The following SEMA7A variants were observed in gnomAD, a reference collection of about 807,000 sequenced individuals.
SEMA7A encodes the protein semaphorin-7A.
In SEMA7A, 21 loss-of-function variants were observed where a neutral mutation model predicts 67.5. The ratio of observed to expected loss-of-function variants is 0.31; its 90% CI spans 0.22 to 0.45. SEMA7A has a LOEUF of 0.45. Among genes scored for constraint, SEMA7A ranks in the 20% least tolerant of loss-of-function variants. SEMA7A has a pLI of 1.00. For missense variants in SEMA7A, 774 were observed against 908.6 expected (o/e 0.85, Z 1.90); for synonymous variants, 364 against 368.5 (o/e 0.99, Z 0.14).
At chr15:74,426,246 G>A (rs2061042824) in intron 1 of SEMA7A, among the ~76,000 whole-genome samples, 1 of 152,170 alleles carries the variant, frequency 6.6e-6, no homozygotes, top group African/African-American at 2.4e-5. Context: ...CTGCACTCCA[G>A]CCTGGGTGAC....
chr15:74,410,625 T>C lies in SEMA7A; in HGVS notation c.2000A>G (p.Ter667TrpextTer40). Reference protein sequence around the residue: ...PTLTLGLLVH* With the variant: ...PTLTLGLLVHW ...AGGCATGCCCAGCCTCGGGAGGCCC[T>C]AGTGGACCAGCAAGCCAAGAGTGAG... Residue 667 changes from the stop codon to tryptophan (W), a stop_lost, in exon 14 of 14, where the codon TAG becomes TGG. Coordinates refer to ENST00000261918, the MANE Select transcript of SEMA7A (RefSeq NM_003612.5). The surrounding 1 kb of genome is among the most constrained non-coding windows in gnomAD (Gnocchi z 7.5). 1 of 1,582,786 alleles carries C rather than the reference T, an allele frequency of 6.3e-7. No homozygotes were observed. Among genetic ancestry groups the C allele is most frequent in the Non-Finnish European group, 8.6e-7 (1 of 1,160,964 alleles).
In SEMA7A at chr15:74,414,458, G is replaced by C; in HGVS notation, c.1294+89C>G. On this transcript the variant is annotated intron_variant, in intron 10 of 13. Transcript: ENST00000261918. The surrounding 1 kb of genome is among the most constrained non-coding windows in gnomAD (Gnocchi z 4.1). The stretch of plus-strand genomic sequence containing the variant: ...CTCAATTATTCCTTCCACATGTAAA[G>C]ATCCAACCAGATGTTAACTACATTA... 1 of 1,281,592 alleles carries C rather than the reference G, an allele frequency of 7.8e-7. No homozygotes were observed. Among genetic ancestry groups the C allele is most frequent in the Non-Finnish European group, 1.1e-6 (1 of 894,480 alleles). 79.4% of individuals were successfully genotyped at this position (1,281,592 alleles called of 1,614,324 possible).
chr15:74,427,504 T>C (rs989311636), intron 1 of SEMA7A, among the ~76,000 whole-genome samples: 1 of 152,182 alleles, frequency 6.6e-6, no homozygotes, highest in African/African-American at 2.4e-5. Flanking sequence ...AATTTTTTTG[T>C]ATTTTTAGTA....
At chr15:74,427,207 C>A (rs1305789515) in intron 1 of SEMA7A, 1 of 985,298 alleles carries the variant, frequency 1.0e-6, no homozygotes, top group Admixed American at 6.1e-5. Context: ...ATCATGCTGT[C>A]TGATGGGATT....
At chr15:74,433,253 G>A (rs2061106591) in intron 1 of SEMA7A, among the ~76,000 whole-genome samples, 1 of 151,596 alleles carries the variant, frequency 6.6e-6, no homozygotes, top group South Asian at 2.1e-4. Context: ...CTTTGTTCCC[G>A]CTGCCGAAGC....
In SEMA7A at chr15:74,416,725, C is replaced by T. The variant is rs745904497; in HGVS notation, c.662-11G>A. ...TGATGAACTGTGGGTCTGCCAGGGA[C>T]AGAGGCGAGTGGGCGTAAGGCTGGG... On this transcript the variant is annotated splice_polypyrimidine_tract_variant and intron_variant, in intron 6 of 13. Transcript: ENST00000261918. 1.9e-6 allele frequency: 3 copies of T among 1,613,300 alleles called. No individual in the cohort carries two copies. The highest frequency in any genetic ancestry group is 2.2e-5 in the South Asian group (2 of 91,026).
At chr15:74,433,049 G>T (rs2061103702) in intron 1 of SEMA7A, among the ~76,000 whole-genome samples, 1 of 152,148 alleles carries the variant, frequency 6.6e-6, no homozygotes, top group Non-Finnish European at 1.5e-5. Flanking sequence ...GCCCCCCAAC[G>T]CTGGAGCCGA....
chr15:74,412,148 G>T, intron 10 of SEMA7A, 136 bp from the exon 11 acceptor site: 1 of 1,036,912 alleles, frequency 9.6e-7, no homozygotes, highest in Non-Finnish European at 1.4e-6. Context: ...GGCGAGGAGA[G>T]CGTGACTGGG....
At position 74,414,568 on chromosome 15, in the gene SEMA7A, G is replaced by C. The variant is rs1414696963; in HGVS notation, c.1273C>G (p.His425Asp). The C allele has an allele frequency of 6.2e-7, 1 of 1,614,242 alleles. No homozygotes were observed. The highest frequency in any genetic ancestry group is 2.2e-5 in the East Asian group (1 of 44,890). The change falls in exon 10 of 14, where the codon CAT becomes GAT. Residue 425 changes from histidine (H) to aspartate (D), a missense_variant. Coordinates refer to ENST00000261918, the MANE Select transcript of SEMA7A (RefSeq NM_003612.5). This position sits in a 1 kb window ranked among gnomAD's most constrained non-coding sequence, Gnocchi z 4.1. ...TCACCTGTAGTTAGGTAAAGCACAT[G>C]AAAGGTCTCCCCGTGGCTGGCTTGC... is the stretch of plus-strand genomic sequence containing the variant. ...RMQASHGETF[H>D]VLYLTTDRGT...
chr15:74,432,272 G>A (rs1465109416), intron 1 of SEMA7A, among the ~76,000 whole-genome samples: 4 of 152,166 alleles, frequency 2.6e-5, no homozygotes, highest in Non-Finnish European at 4.4e-5. Flanking sequence ...AAAGCTGCTG[G>A]GAGGGCAAAG....
In SEMA7A at chr15:74,417,379, A is replaced by T; in HGVS notation, c.617T>A (p.Ile206Asn). The T allele has an allele frequency of 6.2e-7, 1 of 1,614,032 alleles. No individual in the cohort carries two copies. Among genetic ancestry groups the T allele is most frequent in the Non-Finnish European group, 8.5e-7 (1 of 1,180,006 alleles). The part of the protein sequence containing the change: ...YNGKIPRFRR[I>N]RGESELYTSD... ...GGTGTACAGCTCACTCTCGCCCCGG[A>T]TGCGGCGGAACCGAGGGATCTTCCC... is the stretch of plus-strand genomic sequence containing the variant. Residue 206 changes from isoleucine (I) to asparagine (N), a missense_variant, in exon 6 of 14, where the codon ATC (isoleucine) becomes AAC (asparagine). Physicochemically the swap from Ile to Asn is moderately radical, Grantham distance 149. Transcript: ENST00000261918.
chr15:74,432,946 G>A (rs1567081100), intron 1 of SEMA7A, among the ~76,000 whole-genome samples: 1 of 152,224 alleles, frequency 6.6e-6, no homozygotes, highest in South Asian at 2.1e-4. Context: ...AGTCCCCCAG[G>A]TTCTTATTAT....
Position 74,409,960 on chromosome 15 carries a change from G to A in SEMA7A, c.*664C>T, listed in dbSNP as rs1308828881. On this transcript the variant is annotated 3_prime_UTR_variant, in exon 14 of 14. Coordinates refer to ENST00000261918, the MANE Select transcript of SEMA7A (RefSeq NM_003612.5). ...TTTCCCACCCACCCCCCCGCATGTA[G>A]TTTTGGTATTTTCATACAGATGCAG... The A allele has an allele frequency of 1.2e-5, 1 of 83,242 alleles. No homozygotes were observed. Among genetic ancestry groups the A allele is most frequent in the Non-Finnish European group, 2.2e-5 (1 of 44,476 alleles). 5.2% of individuals were successfully genotyped at this position (83,242 alleles called of 1,614,324 possible).
rs773699900 is a variant in SEMA7A, at chr15:74,414,529, C to G, written c.1294+18G>C. ...CGTTTTTACAAAGCAAACTGAGGGT[C>G]CCGGGGTAGCCTCTCACCTGTAGTT... On this transcript the variant is annotated intron_variant, in intron 10 of 13. Coordinates refer to ENST00000261918, the MANE Select transcript of SEMA7A (RefSeq NM_003612.5). The surrounding 1 kb of genome is among the most constrained non-coding windows in gnomAD (Gnocchi z 4.1). 1 of 1,612,298 alleles carries G rather than the reference C, an allele frequency of 6.2e-7. No homozygotes were observed. The highest frequency in any genetic ancestry group is 2.2e-5 in the East Asian group (1 of 44,828).
rs1567067683 is a variant in SEMA7A at position 74,409,615 on chromosome 15, C to CG, written c.*1008dup. ...GCTGAGAGGAAGGGAGGAGGCCCCC[C>CG]GCCCCCCAACCCTCAACGCCAAGGG... is the stretch of plus-strand genomic sequence containing the variant. On this transcript the variant is annotated 3_prime_UTR_variant, in exon 14 of 14. Transcript: ENST00000261918. The CG allele has an allele frequency of 6.6e-6, 1 of 152,060 alleles. No homozygotes were observed. Among genetic ancestry groups the CG allele is most frequent in the Non-Finnish European group, 1.5e-5 (1 of 68,016 alleles). The allele number at this position is 152,060 out of a possible 1,614,324, so 9.4% of individuals were successfully genotyped here.
chr15:74,420,956 C>A (rs902429555), intron 1 of SEMA7A, among the ~76,000 whole-genome samples: 1 of 152,236 alleles, frequency 6.6e-6, no homozygotes, highest in African/African-American at 2.4e-5. Context: ...GTGCTAGCCA[C>A]CTTCATCAGT....
Position 74,417,972 on chromosome 15 carries a change from GC to G in SEMA7A, c.373-4del. On this transcript the variant is annotated splice_region_variant and splice_polypyrimidine_tract_variant and intron_variant, in intron 3 of 13. Transcript: ENST00000261918. The stretch of plus-strand genomic sequence containing the variant: ...AGAGTGATGTAGTTCTCGCAGTCCT[GC>G]CCGGGGAAGAGAGAAGGGAGGAGAG... 1 of 1,612,690 alleles carries G rather than the reference GC, an allele frequency of 6.2e-7. No homozygotes were observed. Among genetic ancestry groups the G allele is most frequent in the Non-Finnish European group, 8.5e-7 (1 of 1,179,874 alleles).
chr15:74,421,514 G>A (rs532291694), intron 1 of SEMA7A, among the ~76,000 whole-genome samples: 1 of 152,262 alleles, frequency 6.6e-6, no homozygotes, highest in South Asian at 2.1e-4. Context: ...CCAGGACCAC[G>A]GCCTCCCATG....
Position 74,433,872 on chromosome 15 carries a change from G to A in SEMA7A, c.47C>T (p.Ala16Val), listed in dbSNP as rs997278770. Residue 16 changes from alanine to valine, a missense_variant, in exon 1 of 14, where the codon GCC (alanine) becomes GTC (valine). Coordinates refer to ENST00000261918, the MANE Select transcript of SEMA7A (RefSeq NM_003612.5). ...CCGAGCCGGCGGGCCAGGGACGCGG[G>A]CGCGCGGTGCGCTGGGGGCGGCACG... ...PGRAAPSAPR[A>V]RVPGPPARLG... 5.5e-6 allele frequency: 7 copies of A among 1,277,040 alleles called. 1 individual carries two copies. The highest frequency in any genetic ancestry group is 5.7e-5 in the South Asian group (2 of 34,996). The allele number at this position is 1,277,040 out of a possible 1,614,324, so 79.1% of individuals were successfully genotyped here.
Sources: gnomAD v4.1 joint callset for allele counts (sites outside exome capture counted in the v4.1 genomes callset) on GRCh38, gnomAD v4.1.1 for gene constraint, Gnocchi (gnomAD v3.1) non-coding constraint, MANE v1.5 for transcripts, NCBI Gene and HGNC (gene_info 2026-07-23, HGNC 2026-07-21) for gene names.